Variants in FRMD4B observed in about 807,000 individuals in gnomAD.
FRMD4B encodes the protein FERM domain containing 4B.
A neutral mutation model predicts 141.5 loss-of-function variants in FRMD4B; 74 were observed. That is an observed-to-expected ratio of 0.52 (90% CI 0.43 to 0.63). The LOEUF (loss-of-function observed/expected upper bound fraction) is 0.63, where lower values mean the gene tolerates loss of function less well. Among genes scored for constraint, FRMD4B ranks in the 30% least tolerant of loss-of-function variants. The probability of loss-of-function intolerance (pLI) is 0.00; values close to 1 mark genes in which losing one functional copy is unlikely to be tolerated. For missense variants in FRMD4B, 1,366 were observed against 1,253.4 expected (o/e 1.09, Z -1.36); for synonymous variants, 506 against 467.9 (o/e 1.08, Z -1.05).
At chr3:69,176,772 T>A in intron 21 of FRMD4B, 116 bp from the exon 22 acceptor site, 2 of 667,942 alleles carry the variant, frequency 3.0e-6, no homozygotes, top group Non-Finnish European at 5.1e-6. Context: ...TTTAAGAGGG[T>A]TTGAAATAAC....
At chr3:69,284,156 A>G (rs564368915) in intron 5 of FRMD4B, among the ~76,000 whole-genome samples, 57 of 152,278 alleles carry the variant, frequency 3.7e-4, no homozygotes, top group Non-Finnish European at 6.9e-4. Flanking sequence ...TCCCTGAGCT[A>G]AGGAGATGCA....
Position 69,225,733 on chromosome 3 carries a change from GA to G in FRMD4B, c.582-1044del, listed in dbSNP as rs1403006385. On this transcript the variant is annotated intron_variant, in intron 7 of 22. Coordinates refer to ENST00000398540, the MANE Select transcript of FRMD4B (RefSeq NM_015123.3). ...AAAAAAAAAAAAAAAAAAAAAGAGG[GA>G]GAACACGTAATACTACCCAGTCATA... is the stretch of plus-strand genomic sequence containing the variant. Among the ~76,000 whole-genome samples the G allele has an allele frequency of 1.7e-4, 10 of 58,308 alleles. 4 individuals are homozygous for G. The highest frequency in any genetic ancestry group is 2.2e-4 in the African/African-American group (4 of 18,238). The allele number at this position is 58,308 out of a possible 152,430, so 38.3% of individuals were successfully genotyped here.
In FRMD4B at chr3:69,224,662, T is replaced by C. The variant is rs774889304; in HGVS notation, c.610A>G (p.Thr204Ala). 1.9e-6 allele frequency: 3 copies of C among 1,572,502 alleles called. No homozygotes were observed. Among genetic ancestry groups the C allele is most frequent in the Non-Finnish European group, 2.6e-6 (3 of 1,150,252 alleles). ...SDENARKDLK[T>A]LPAFPTKTLQ... ...GTTTTGGTTGGAAAGGCTGGTAATG[T>C]CTTTAAATCTTTCCTGGCATTTTCA... The change falls in exon 8 of 23, where the codon ACA (threonine) becomes GCA (alanine). Residue 204 changes from threonine (T) to alanine (A), a missense_variant. By Grantham distance (58) the Thr-to-Ala change is moderately conservative. Transcript: ENST00000398540.
chr3:69,196,796 G>A (rs1454758297), intron 13 of FRMD4B, 104 bp downstream of exon 13: 2 of 868,648 alleles, frequency 2.3e-6, no homozygotes, highest in Non-Finnish European at 3.5e-6. Flanking sequence ...AAAAATCTCA[G>A]AGAGCAAAAA....
intron 1 of FRMD4B, among the ~76,000 whole-genome samples, chr3:69,538,640 A>G (rs1006436919): frequency 1.3e-5 from 2 of 152,222 alleles, no homozygotes; most frequent in African/African-American, 4.8e-5. Flanking sequence ...TTAGTTTAAA[A>G]ATTGATTTCA....
chr3:69,455,409 A>G (rs910326261), intron 1 of FRMD4B, among the ~76,000 whole-genome samples: 16 of 152,168 alleles, frequency 1.1e-4, no homozygotes, highest in East Asian at 5.8e-4. Flanking sequence ...GCAGCTTCTC[A>G]TCTGAGAACA....
chr3:69,283,289 G>C (rs1406280541), intron 5 of FRMD4B, among the ~76,000 whole-genome samples: 1 of 151,980 alleles, frequency 6.6e-6, no homozygotes, highest in Non-Finnish European at 1.5e-5. Context: ...GGAAGCTGAG[G>C]CAGAGAATCG....
intron 1 of FRMD4B, among the ~76,000 whole-genome samples, chr3:69,365,402 A>T (rs1216549351): frequency 6.6e-6 from 1 of 152,252 alleles, no homozygotes; most frequent in Non-Finnish European, 1.5e-5. Flanking sequence ...AATAAAATGT[A>T]CATTTTTGGC....
At chr3:69,456,070 G>T (rs1330584672) in intron 1 of FRMD4B, among the ~76,000 whole-genome samples, 2 of 152,302 alleles carry the variant, frequency 1.3e-5, no homozygotes, top group South Asian at 4.1e-4. Flanking sequence ...CTGGTGCCGA[G>T]TATCTCTAAA....
intron 1 of FRMD4B, among the ~76,000 whole-genome samples, chr3:69,529,106 CCACCAGCAA>C (rs1700977143): frequency 6.6e-6 from 1 of 152,154 alleles, no homozygotes; most frequent in African/African-American, 2.4e-5. Flanking sequence ...GTAGGGTTGG[CCACCAGCAA>C]CACCAGCAGC....
chr3:69,467,088 T>A (rs142481068), intron 1 of FRMD4B, among the ~76,000 whole-genome samples: 131 of 152,258 alleles, frequency 8.6e-4, no homozygotes, highest in African/African-American at 3.0e-3. Context: ...TGCTTATTTG[T>A]CTCCATCTCT....
At chr3:69,180,296 T>A (rs2092692144) in intron 21 of FRMD4B, among the ~76,000 whole-genome samples, 1 of 147,274 alleles carries the variant, frequency 6.8e-6, no homozygotes, top group Non-Finnish European at 1.5e-5. Flanking sequence ...CAGTGCTTAA[T>A]CAATGCCAGC....
intron 1 of FRMD4B, chr3:69,536,279 C>A: frequency 1.6e-6 from 1 of 621,642 alleles, no homozygotes; most frequent in South Asian, 1.8e-5. Flanking sequence ...CATCAGGGGG[C>A]CATCTCCCTG....
chr3:69,456,187 C>G (rs1202372438), intron 1 of FRMD4B, among the ~76,000 whole-genome samples: 3 of 151,758 alleles, frequency 2.0e-5, no homozygotes, highest in South Asian at 2.1e-4. Flanking sequence ...TGCTTCACAG[C>G]CAAGGTGTAT....
At chr3:69,232,465 T>C (rs929555535) in intron 7 of FRMD4B, among the ~76,000 whole-genome samples, 8 of 152,188 alleles carry the variant, frequency 5.3e-5, no homozygotes, top group African/African-American at 1.9e-4. Context: ...TGACCCACTA[T>C]TTAGCTACTA....
intron 1 of FRMD4B, chr3:69,334,219 C>T (rs572202433): frequency 6.6e-6 from 1 of 152,270 alleles, no homozygotes; most frequent in South Asian, 2.1e-4. Context: ...GCTTTTTGAG[C>T]CCCAGTTTCT....
intron 8 of FRMD4B, 23 bp from the exon 9 acceptor site, chr3:69,221,946 G>C (rs1425764937): frequency 1.7e-6 from 2 of 1,207,712 alleles, no homozygotes; most frequent in Non-Finnish European, 2.4e-6. Flanking sequence ...GAAATGAGAA[G>C]GATTGCAATG....
At chr3:69,200,823 A>T in intron 11 of FRMD4B, 1 of 492,474 alleles carries the variant, frequency 2.0e-6, no homozygotes, top group African/African-American at 2.0e-5. Flanking sequence ...CTGGACATGA[A>T]CAGGTTCTAC....
intron 11 of FRMD4B, among the ~76,000 whole-genome samples, chr3:69,214,100 T>A (rs914543311): frequency 6.6e-6 from 1 of 152,176 alleles, no homozygotes. Flanking sequence ...TTTTGTGTTA[T>A]CTGTGTCAGT....
Sources: allele counts gnomAD v4.1 joint callset (sites outside exome capture counted in the v4.1 genomes callset), GRCh38; gene constraint gnomAD v4.1.1; transcripts MANE v1.5; gene names NCBI Gene and HGNC (gene_info 2026-07-23, HGNC 2026-07-21).